The following EPHB2 variants were observed in gnomAD, a reference collection of about 807,000 sequenced individuals.
EPHB2 encodes the protein ephrin type-B receptor 2.
EPHB2 carries 18 observed loss-of-function variants against 96.4 expected under a neutral mutation model. The ratio of observed to expected loss-of-function variants is 0.19; its 90% CI spans 0.13 to 0.28. The LOEUF (loss-of-function observed/expected upper bound fraction) is 0.28, where lower values mean the gene tolerates loss of function less well. Ranked by LOEUF, EPHB2 falls within the 10% of genes least tolerant of loss-of-function variation. The probability of loss-of-function intolerance (pLI) is 1.00; values close to 1 mark genes in which losing one functional copy is unlikely to be tolerated. For missense variants in EPHB2, 989 were observed against 1,355.4 expected (o/e 0.73, Z 4.25); for synonymous variants, 506 against 534.1 (o/e 0.95, Z 0.72).
In EPHB2 at chr1:22,846,058, T is replaced by C. The variant is rs971965194; in HGVS notation, c.812-16979T>C. Among the ~76,000 whole-genome samples the C allele has an allele frequency of 2.0e-5, 3 of 152,120 alleles. No homozygotes were observed. The highest frequency in any genetic ancestry group is 7.2e-5 in the African/African-American group (3 of 41,406). On this transcript the variant is annotated intron_variant, in intron 3 of 15. Coordinates refer to ENST00000374630, the MANE Select transcript of EPHB2 (RefSeq NM_017449.5). This position sits in a 1 kb window ranked among gnomAD's most constrained non-coding sequence, Gnocchi z 4.3. ...TTTGGGATCAGTTAGACCCTAAGGA[T>C]CCCTGCAGAGGAGCCCAGGATGCCC... is the stretch of plus-strand genomic sequence containing the variant.
At chr1:22,869,440 G>A (rs1188200778) in intron 5 of EPHB2, among the ~76,000 whole-genome samples, 2 of 151,954 alleles carry the variant, frequency 1.3e-5, no homozygotes, top group African/African-American at 4.8e-5. Flanking sequence ...AGGTGCTGGG[G>A]GAGATGAGGG....
At chr1:22,766,120 C>T (rs1644304903) in intron 1 of EPHB2, among the ~76,000 whole-genome samples, 1 of 152,192 alleles carries the variant, frequency 6.6e-6, no homozygotes, top group African/African-American at 2.4e-5. Flanking sequence ...CTCCCAGGCC[C>T]AGCACAGGGG....
intron 1 of EPHB2, among the ~76,000 whole-genome samples, chr1:22,761,317 G>A (rs1047315154): frequency 4.6e-5 from 7 of 152,232 alleles, no homozygotes; most frequent in African/African-American, 1.2e-4. Flanking sequence ...GGCAGTGGTC[G>A]CGGAGAGCGG....
At chr1:22,775,046 C>A in intron 1 of EPHB2, 1 of 662,258 alleles carries the variant, frequency 1.5e-6, no homozygotes. Flanking sequence ...CCCTGCTGCC[C>A]TCCTCCTGCC....
intron 1 of EPHB2, among the ~76,000 whole-genome samples, chr1:22,720,203 T>C (rs1420464264): frequency 6.6e-6 from 1 of 152,186 alleles, no homozygotes; most frequent in Non-Finnish European, 1.5e-5. Context: ...TGTCACAAAG[T>C]GTCACCCCTG....
rs1362850815 is a variant in EPHB2, at chr1:22,919,198, CAG to C, written c.*5635_*5636del. 7.2e-5 allele frequency: 11 copies of C among 152,208 alleles called. No homozygotes were observed. The highest frequency in any genetic ancestry group is 2.4e-4 in the African/African-American group (10 of 41,444). The allele number at this position is 152,208 out of a possible 1,614,324, so 9.4% of individuals were successfully genotyped here. Reference sequence around the variant, plus strand: ...CCATAACAAACTGCCCTGATGTCTGCAGAGAGAGGGTCTGCTGTAGACAGGGA... The same window carrying C: ...CCATAACAAACTGCCCTGATGTCTGCAGAGAGGGTCTGCTGTAGACAGGGA... On this transcript the variant is annotated 3_prime_UTR_variant, in exon 16 of 16. Transcript: ENST00000374630.
chr1:22,908,442 G>A (rs1639987220), intron 12 of EPHB2, among the ~76,000 whole-genome samples: 1 of 152,232 alleles, frequency 6.6e-6, no homozygotes, highest in Admixed American at 6.5e-5. Context: ...GTTGATATCT[G>A]AGCTGAGAGC....
intron 1 of EPHB2, among the ~76,000 whole-genome samples, chr1:22,713,269 G>A (rs1038555891): frequency 2.0e-5 from 3 of 152,150 alleles, no homozygotes; most frequent in African/African-American, 7.2e-5. Flanking sequence ...CGAATGGATG[G>A]GGAGATGGTG....
chr1:22,770,666 C>G lies in EPHB2; in HGVS notation c.62-10755C>G, dbSNP rs78323328. Among the ~76,000 whole-genome samples, 224 of 152,318 alleles carry G rather than the reference C, an allele frequency of 1.5e-3. 7 individuals are homozygous for G. In the East Asian group the frequency reaches 0.037, roughly 25 times the overall value. On this transcript the variant is annotated intron_variant, in intron 1 of 15. Transcript: ENST00000374630. ...AAAGTGATTAAAAGAGTACCTGGTT[C>G]AGCTCCTGGATCTGCTGTGTACTCG...
In EPHB2 at chr1:22,846,007, TAAG is replaced by T. The variant is rs1420184304; in HGVS notation, c.812-17026_812-17024del. On this transcript the variant is annotated intron_variant, in intron 3 of 15. Transcript: ENST00000374630. The surrounding 1 kb of genome is among the most constrained non-coding windows in gnomAD (Gnocchi z 4.3). ...ATGGGAGTATTTTAAAGTAACTTGT[TAAG>T]AAGCCATTTGGCCCTGGGAAAGTTT... Among the ~76,000 whole-genome samples the T allele has an allele frequency of 6.6e-6, 1 of 152,172 alleles. No homozygotes were observed. Among genetic ancestry groups the T allele is most frequent in the Non-Finnish European group, 1.5e-5 (1 of 68,028 alleles).
intron 3 of EPHB2, among the ~76,000 whole-genome samples, chr1:22,785,548 T>C (rs1644599065): frequency 6.6e-6 from 1 of 152,268 alleles, no homozygotes; most frequent in Non-Finnish European, 1.5e-5. Context: ...TAATGCTCCA[T>C]GTCCATTGTG....
At chr1:22,712,064 T>A (rs1386258803) in intron 1 of EPHB2, among the ~76,000 whole-genome samples, 1 of 152,258 alleles carries the variant, frequency 6.6e-6, no homozygotes, top group East Asian at 1.9e-4. Flanking sequence ...TACTTCGCAC[T>A]ATACGCAGCT....
intron 1 of EPHB2, among the ~76,000 whole-genome samples, chr1:22,750,204 A>G (rs905215604): frequency 2.0e-5 from 3 of 152,154 alleles, no homozygotes; most frequent in Non-Finnish European, 2.9e-5. Context: ...CCACCTCTCT[A>G]TGAAAAGAAA....
chr1:22,816,469 TCCCCA>T (rs1415951375), intron 3 of EPHB2, among the ~76,000 whole-genome samples: 1 of 152,048 alleles, frequency 6.6e-6, no homozygotes, highest in Admixed American at 6.5e-5. Context: ...AACTCCCCCA[TCCCCA>T]CCCACCAGTA....
chr1:22,853,072 C>T (rs1478225976), intron 3 of EPHB2, among the ~76,000 whole-genome samples: 7 of 152,202 alleles, frequency 4.6e-5, no homozygotes, highest in Non-Finnish European at 7.4e-5. Context: ...GCCTTTCGGC[C>T]GGGCACGGTG....
chr1:22,730,028 G>A (rs1331662578), intron 1 of EPHB2, among the ~76,000 whole-genome samples: 1 of 152,248 alleles, frequency 6.6e-6, no homozygotes, highest in African/African-American at 2.4e-5. Context: ...ATTGAACGGA[G>A]TGGGATTGAA....
chr1:22,755,622 G>A (rs1375586337), intron 1 of EPHB2, among the ~76,000 whole-genome samples: 1 of 152,134 alleles, frequency 6.6e-6, no homozygotes, highest in East Asian at 1.9e-4. Context: ...TTGAATCCTC[G>A]CTCTGCCCTG....
chr1:22,741,694 A>AAAAAAAAAAAC (rs1643906280), intron 1 of EPHB2, among the ~76,000 whole-genome samples: 1 of 149,334 alleles, frequency 6.7e-6, no homozygotes, highest in South Asian at 2.2e-4. Context: ...AAAAACAAAA[A>AAAAAAAAAAAC]AACAAAAAAC....
chr1:22,877,640 A>AG (rs974895560), intron 5 of EPHB2, among the ~76,000 whole-genome samples: 74 of 152,124 alleles, frequency 4.9e-4, no homozygotes, highest in Non-Finnish European at 8.8e-4. Flanking sequence ...CAGGCAGGTG[A>AG]GGGGGGCAGG....
Sources: gnomAD v4.1 joint callset for allele counts (sites outside exome capture counted in the v4.1 genomes callset) on GRCh38, gnomAD v4.1.1 for gene constraint, Gnocchi (gnomAD v3.1) non-coding constraint, MANE v1.5 for transcripts, NCBI Gene and HGNC (gene_info 2026-07-23, HGNC 2026-07-21) for gene names.